Variants in KCNIP4 observed in about 807,000 individuals in gnomAD.
KCNIP4 encodes potassium voltage-gated channel interacting protein 4.
In KCNIP4, 12 loss-of-function variants were observed where a neutral mutation model predicts 34.0. That is an observed-to-expected ratio of 0.35 (90% CI 0.23 to 0.57). The LOEUF (loss-of-function observed/expected upper bound fraction) is 0.57. KCNIP4 is among the 20% of genes least tolerant of loss of function. KCNIP4 has a pLI of 0.83. For missense variants in KCNIP4, 238 were observed against 311.7 expected (o/e 0.76, Z 1.78); for synonymous variants, 124 against 102.2 (o/e 1.21, Z -1.29).
At chr4:21,612,330 C>T (rs943722548) in intron 1 of KCNIP4, among the ~76,000 whole-genome samples, 1 of 152,182 alleles carries the variant, frequency 6.6e-6, no homozygotes, top group African/African-American at 2.4e-5. Context: ...ATGTTAATAA[C>T]GTCACACTCA....
At chr4:21,868,742 T>C (rs1303687446) in intron 1 of KCNIP4, among the ~76,000 whole-genome samples, 1 of 152,128 alleles carries the variant, frequency 6.6e-6, no homozygotes, top group Non-Finnish European at 1.5e-5. Flanking sequence ...CTGAAACACA[T>C]TTCAGGAAAT....
intron 1 of KCNIP4, among the ~76,000 whole-genome samples, chr4:21,186,161 TC>T (rs1755211922): frequency 6.6e-6 from 1 of 152,230 alleles, no homozygotes; most frequent in Non-Finnish European, 1.5e-5. Context: ...ACCCTGTCTT[TC>T]CTTTTCCTCT....
intron 2 of KCNIP4, among the ~76,000 whole-genome samples, chr4:20,868,518 A>G (rs890212916): frequency 6.6e-6 from 1 of 152,114 alleles, no homozygotes; most frequent in East Asian, 1.9e-4. Flanking sequence ...AAATAATTCT[A>G]CCAAAAAGAC....
chr4:21,347,889 C>G (rs143479665), intron 1 of KCNIP4, among the ~76,000 whole-genome samples: 1 of 152,096 alleles, frequency 6.6e-6, no homozygotes, highest in African/African-American at 2.4e-5. Flanking sequence ...AAAAAATCTG[C>G]TTGTTCCATC....
intron 3 of KCNIP4, among the ~76,000 whole-genome samples, chr4:20,807,826 A>G (rs926118197): frequency 1.5e-4 from 23 of 152,194 alleles, no homozygotes; most frequent in Admixed American, 3.9e-4. Context: ...TGGCACTAAG[A>G]TTAAATAGAA....
rs1720811024 is a variant in KCNIP4, at chr4:21,798,853, T to C, written c.61+149718A>G. 3.3e-5 allele frequency among the ~76,000 whole-genome samples: 5 copies of C among 152,274 alleles called. No individual in the cohort carries two copies. In the South Asian group the frequency reaches 1.0e-3, roughly 32 times the overall value. On this transcript the variant is annotated intron_variant, in intron 1 of 8. Transcript: ENST00000382152. Reference sequence around the variant, plus strand: ...GCTTCAAAATAATCAGTTCTTTCTGTGGGTTAAAAACTACTAATATATTTG... The same window carrying C: ...GCTTCAAAATAATCAGTTCTTTCTGCGGGTTAAAAACTACTAATATATTTG...
chr4:21,376,267 A>C (rs142884513), intron 1 of KCNIP4, among the ~76,000 whole-genome samples: 1 of 152,326 alleles, frequency 6.6e-6, no homozygotes, highest in East Asian at 1.9e-4. Flanking sequence ...AGTGTAACGC[A>C]TTAGTTTTCC....
chr4:21,586,759 A>C (rs1054893285), intron 1 of KCNIP4, among the ~76,000 whole-genome samples: 2 of 152,068 alleles, frequency 1.3e-5, no homozygotes, highest in Non-Finnish European at 2.9e-5. Flanking sequence ...ATTTATAAAA[A>C]TATGGTTCTC....
At chr4:21,577,510 A>T (rs13114229) in intron 1 of KCNIP4, among the ~76,000 whole-genome samples, 1 of 152,230 alleles carries the variant, frequency 6.6e-6, no homozygotes, top group East Asian at 1.9e-4. Flanking sequence ...AGGCACCTGT[A>T]ATCCCAGCTA....
At chr4:21,946,345 T>C (rs1004118072) in intron 1 of KCNIP4, among the ~76,000 whole-genome samples, 1 of 152,150 alleles carries the variant, frequency 6.6e-6, no homozygotes, top group Admixed American at 6.5e-5. Context: ...TAAACCTCCA[T>C]TCCAGAGATA....
intron 1 of KCNIP4, among the ~76,000 whole-genome samples, chr4:21,519,459 T>TATGTGTGTATATGTATGTGTATATACAC (rs1735137942): frequency 1.5e-5 from 1 of 65,160 alleles, no homozygotes; most frequent in African/African-American, 5.1e-5. Flanking sequence ...TATATACACA[T>TATGTGTGTATATGTATGTGTATATACAC]ATGTGTGTAT....
chr4:21,884,475 A>G (rs1013964457), intron 1 of KCNIP4, among the ~76,000 whole-genome samples: 4 of 152,100 alleles, frequency 2.6e-5, no homozygotes, highest in Non-Finnish European at 5.9e-5. Context: ...AGATGGCCAG[A>G]TGGATGGAGC....
chr4:21,754,806 A>C (rs1219283417), intron 1 of KCNIP4, among the ~76,000 whole-genome samples: 2 of 152,214 alleles, frequency 1.3e-5, no homozygotes, highest in Admixed American at 6.5e-5. Context: ...GAAAAACTTC[A>C]GAATAAAATT....
chr4:20,988,623 C>A (rs1736806303), intron 1 of KCNIP4, among the ~76,000 whole-genome samples: 1 of 152,154 alleles, frequency 6.6e-6, no homozygotes. Context: ...TACAATCTAC[C>A]TGTTCTCTCT....
intron 1 of KCNIP4, among the ~76,000 whole-genome samples, chr4:21,475,020 C>G (rs563905031): frequency 2.8e-5 from 4 of 141,852 alleles, no homozygotes; most frequent in Non-Finnish European, 4.7e-5. Context: ...AAAAAAAAGA[C>G]GTTAATAAAA....
chr4:21,433,289 T>G (rs1169098991), intron 1 of KCNIP4, among the ~76,000 whole-genome samples: 1 of 152,138 alleles, frequency 6.6e-6, no homozygotes, highest in Non-Finnish European at 1.5e-5. Flanking sequence ...TGTTGTCTAT[T>G]CAGTCTGAGC....
intron 1 of KCNIP4, among the ~76,000 whole-genome samples, chr4:21,602,326 G>T (rs1476485089): frequency 6.6e-6 from 1 of 152,124 alleles, no homozygotes; most frequent in Non-Finnish European, 1.5e-5. Context: ...TTGGAGTAAA[G>T]GATGAATCTT....
intron 1 of KCNIP4, among the ~76,000 whole-genome samples, chr4:21,169,758 CAGA>C (rs1382493354): frequency 6.6e-6 from 1 of 150,542 alleles, no homozygotes; most frequent in African/African-American, 2.4e-5. Flanking sequence ...TGGGCCTGAA[CAGA>C]AGGACATCAG....
At chr4:21,675,281 C>T (rs71607089) in intron 1 of KCNIP4, among the ~76,000 whole-genome samples, 50 of 151,980 alleles carry the variant, frequency 3.3e-4, no homozygotes, top group South Asian at 3.1e-3. Flanking sequence ...AGTAGAATGT[C>T]GGTTACCAGA....
Sources: gnomAD v4.1 joint callset for allele counts (sites outside exome capture counted in the v4.1 genomes callset) on GRCh38, gnomAD v4.1.1 for gene constraint, MANE v1.5 for transcripts, NCBI Gene and HGNC (gene_info 2026-07-23, HGNC 2026-07-21) for gene names.